NCAM1: variants seen among roughly 807,000 people sequenced by gnomAD.
NCAM1 encodes the protein neural cell adhesion molecule 1.
In NCAM1, 14 loss-of-function variants were observed where a neutral mutation model predicts 109.8. The observed-to-expected ratio is 0.13, with a 90% CI of 0.08 to 0.20. The LOEUF (loss-of-function observed/expected upper bound fraction) is 0.20. NCAM1 is among the 10% of genes least tolerant of loss of function. NCAM1 has a pLI of 1.00. For synonymous variants in NCAM1, 418 were observed against 442.9 expected (o/e 0.94, Z 0.70); for missense variants, 774 against 1,109.9 (o/e 0.70, Z 4.30).
chr11:113,074,239 G>A (rs78964379), intron 1 of NCAM1, among the ~76,000 whole-genome samples: 4,227 of 152,244 alleles, frequency 0.028, 102 homozygotes, highest in Non-Finnish European at 0.043. Context: ...AATAAATTTG[G>A]AGTCATCAGG....
At chr11:112,969,170 C>T (rs1257324845) in intron 1 of NCAM1, among the ~76,000 whole-genome samples, 2 of 152,036 alleles carry the variant, frequency 1.3e-5, no homozygotes, top group Non-Finnish European at 2.9e-5. Flanking sequence ...GCAGAGCAGA[C>T]ACCCTGAGCA....
At chr11:113,032,533 C>T (rs886202679) in intron 1 of NCAM1, among the ~76,000 whole-genome samples, 2 of 152,208 alleles carry the variant, frequency 1.3e-5, no homozygotes, top group Admixed American at 6.5e-5. Flanking sequence ...ATCCATACTG[C>T]ATTGCCCCCA....
At chr11:112,994,250 G>A (rs1033671822) in intron 1 of NCAM1, among the ~76,000 whole-genome samples, 1 of 152,154 alleles carries the variant, frequency 6.6e-6, no homozygotes, top group Non-Finnish European at 1.5e-5. Flanking sequence ...GGTTAACAAG[G>A]TGTGACTTCT....
intron 1 of NCAM1, among the ~76,000 whole-genome samples, chr11:113,051,422 T>C (rs1430297667): frequency 2.0e-5 from 3 of 152,174 alleles, no homozygotes; most frequent in Non-Finnish European, 2.9e-5. Context: ...AATTCTAACT[T>C]TACCCAAATA....
intron 1 of NCAM1, among the ~76,000 whole-genome samples, chr11:113,064,352 C>G (rs781989573): frequency 1.3e-5 from 2 of 152,180 alleles, no homozygotes; most frequent in Non-Finnish European, 2.9e-5. Flanking sequence ...ACTGCTTAAT[C>G]TTTCAAGAGG....
At chr11:113,036,200 G>A (rs1952878376) in intron 1 of NCAM1, among the ~76,000 whole-genome samples, 1 of 152,164 alleles carries the variant, frequency 6.6e-6, no homozygotes, top group Middle Eastern at 3.4e-3. Flanking sequence ...CTCTGGTTTG[G>A]AAGTTCTAAT....
In NCAM1 at chr11:113,273,153, G is replaced by A. The variant is rs1028274978; in HGVS notation, c.2456+1277G>A. ...GGCCACCCCTTCCAAGGGGCCCAGC[G>A]CCTCTGCCCCCTCCCCGGCCCCAGC... On this transcript the variant is annotated intron_variant, in intron 19 of 19. Transcript: ENST00000316851. The surrounding 1 kb of genome is among the most constrained non-coding windows in gnomAD (Gnocchi z 6.0). The A allele has an allele frequency of 2.6e-5, 11 of 426,226 alleles. No homozygotes were observed. Among genetic ancestry groups the A allele is most frequent in the African/African-American group, 8.1e-5 (4 of 49,334 alleles). 26.4% of individuals were successfully genotyped at this position (426,226 alleles called of 1,614,324 possible).
chr11:113,227,768 G>C (rs190997710), intron 9 of NCAM1, among the ~76,000 whole-genome samples: 23 of 152,116 alleles, frequency 1.5e-4, no homozygotes, highest in Non-Finnish European at 2.5e-4. Context: ...GGGATGCAAG[G>C]CTGGTTCAAC....
At chr11:113,116,967 T>C (rs1940740701) in intron 1 of NCAM1, among the ~76,000 whole-genome samples, 1 of 151,934 alleles carries the variant, frequency 6.6e-6, no homozygotes, top group African/African-American at 2.4e-5. Flanking sequence ...TGAGCTCAAG[T>C]GGGCACTCCC....
chr11:113,232,078 G>A (rs1945027289), intron 10 of NCAM1, 92 bp from the exon 11 acceptor site: 10 of 1,293,804 alleles, frequency 7.7e-6, no homozygotes, highest in African/African-American at 3.0e-5. Context: ...GCTCTGCTTT[G>A]GAGCACACCT....
At chr11:113,027,338 T>C (rs1305510944) in intron 1 of NCAM1, among the ~76,000 whole-genome samples, 1 of 152,168 alleles carries the variant, frequency 6.6e-6, no homozygotes, top group Non-Finnish European at 1.5e-5. Context: ...ATAACCAATG[T>C]TGTAGGAATT....
chr11:113,085,124 G>A (rs1305775911), intron 1 of NCAM1, among the ~76,000 whole-genome samples: 3 of 152,132 alleles, frequency 2.0e-5, no homozygotes, highest in African/African-American at 4.8e-5. Context: ...TTACTACCAA[G>A]GGAAACCATA....
chr11:113,142,057 CA>C (rs1555100544), intron 1 of NCAM1, among the ~76,000 whole-genome samples: 1 of 152,166 alleles, frequency 6.6e-6, no homozygotes, highest in East Asian at 1.9e-4. Context: ...AGAAGATTAT[CA>C]TAAGACATAC....
At chr11:113,008,703 A>G (rs1418532932) in intron 1 of NCAM1, among the ~76,000 whole-genome samples, 1 of 152,218 alleles carries the variant, frequency 6.6e-6, no homozygotes, top group Non-Finnish European at 1.5e-5. Flanking sequence ...GAGGTTACTC[A>G]TCTCTCGATT....
At chr11:113,241,363 T>C (rs1159978137) in intron 14 of NCAM1, among the ~76,000 whole-genome samples, 4 of 152,220 alleles carry the variant, frequency 2.6e-5, no homozygotes, top group Non-Finnish European at 5.9e-5. Flanking sequence ...TGTCTGGCAG[T>C]GTCTGGCAGA....
chr11:113,138,728 GC>G (rs1941704946), intron 1 of NCAM1, among the ~76,000 whole-genome samples: 1 of 152,084 alleles, frequency 6.6e-6, no homozygotes, highest in African/African-American at 2.4e-5. Flanking sequence ...AAAATGACCT[GC>G]TTTCTTGCCC....
intron 1 of NCAM1, among the ~76,000 whole-genome samples, chr11:112,989,721 T>C (rs1555070299): frequency 3.3e-5 from 5 of 152,212 alleles, no homozygotes; most frequent in Non-Finnish European, 1.5e-5. Context: ...GTGTCTGCAT[T>C]TGAAGGAGCA....
chr11:113,010,313 A>G (rs1952013892), intron 1 of NCAM1, among the ~76,000 whole-genome samples: 1 of 152,196 alleles, frequency 6.6e-6, no homozygotes, highest in Admixed American at 6.5e-5. Context: ...AAGAATTAAA[A>G]TGTATTTCCT....
intron 9 of NCAM1, among the ~76,000 whole-genome samples, chr11:113,227,883 ACC>A (rs1300722981): frequency 3.9e-5 from 6 of 152,022 alleles, no homozygotes; most frequent in Non-Finnish European, 8.8e-5. Context: ...AAATCCAACA[ACC>A]CTTCATGCTA....
Sources: allele counts gnomAD v4.1 joint callset (sites outside exome capture counted in the v4.1 genomes callset), GRCh38; gene constraint gnomAD v4.1.1; non-coding constraint Gnocchi (gnomAD v3.1); transcripts MANE v1.5; gene names NCBI Gene and HGNC (gene_info 2026-07-23, HGNC 2026-07-21).